The following DNAJC6 variants were observed in gnomAD, a reference collection of about 807,000 sequenced individuals.
The protein encoded by DNAJC6 is DnaJ heat shock protein family (Hsp40) member C6.
Under a neutral mutation model 110.0 loss-of-function variants are expected in DNAJC6, and 34 were observed. The ratio of observed to expected loss-of-function variants is 0.31; its 90% CI spans 0.24 to 0.41. The LOEUF is 0.41. Ranked by LOEUF, DNAJC6 falls within the 10% of genes least tolerant of loss-of-function variation. The probability of loss-of-function intolerance (pLI) is 1.00; values close to 1 mark genes in which losing one functional copy is unlikely to be tolerated. For synonymous variants in DNAJC6, 406 were observed against 437.2 expected, an observed-to-expected ratio of 0.93 and a Z score of 0.89; for missense variants, 1,031 against 1,207.8, an observed-to-expected ratio of 0.85 and a Z score of 2.17.
chr1:65,319,477 T>A (rs895451760), intron 1 of DNAJC6, among the ~76,000 whole-genome samples: 1 of 152,164 alleles, frequency 6.6e-6, no homozygotes, highest in Non-Finnish European at 1.5e-5. Context: ...CAGTACGGTG[T>A]CTGTATCGGG....
chr1:65,273,464 TG>T (rs1343960569), intron 1 of DNAJC6, among the ~76,000 whole-genome samples: 1 of 151,926 alleles, frequency 6.6e-6, no homozygotes, highest in African/African-American at 2.4e-5. Flanking sequence ...TTGAGCACGG[TG>T]GTATGTGCCT....
intron 4 of DNAJC6, among the ~76,000 whole-genome samples, chr1:65,368,528 T>TTCCTTCCCTTC (rs1245854493): frequency 5.0e-4 from 76 of 151,338 alleles, no homozygotes; most frequent in Admixed American, 3.2e-3. Flanking sequence ...TCCTTCCGTT[T>TTCCTTCCCTTC]TCCTTCCCTT....
upstream of DNAJC6, among the ~76,000 whole-genome samples, chr1:65,308,223 T>C (rs1464107184): frequency 3.3e-5 from 5 of 152,338 alleles, no homozygotes; most frequent in South Asian, 6.2e-4. Flanking sequence ...GAGAAAACCA[T>C]GTAAGATGAG....
At position 65,299,539 on chromosome 1, in the gene DNAJC6, A is replaced by G. The variant is rs542350511; in HGVS notation, c.-131+34607A>G. 2.0e-5 allele frequency among the ~76,000 whole-genome samples: 3 copies of G among 152,364 alleles called. No homozygotes were observed. The East Asian group carries it at 5.8e-4, about 29-fold the overall frequency. On this transcript the variant is annotated intron_variant, in intron 1 of 19. Transcript: ENST00000263441. The stretch of plus-strand genomic sequence containing the variant: ...GACACAATAGACTGAGCTATGTTGA[A>G]GGACAATGACAAATAACACAATAGA...
chr1:65,370,332 C>T (rs983912970), intron 4 of DNAJC6, among the ~76,000 whole-genome samples: 3 of 152,176 alleles, frequency 2.0e-5, no homozygotes, highest in Non-Finnish European at 4.4e-5. Context: ...CCCAATGTTG[C>T]ATAACCAACA....
rs564665087 is a variant in DNAJC6, at chr1:65,345,281, G to A, written c.194-19354G>A. Among the ~76,000 whole-genome samples the A allele has an allele frequency of 8.0e-5, 12 of 150,150 alleles. No individual in the cohort carries two copies. The South Asian group carries it at 2.5e-3, about 32-fold the overall frequency. On this transcript the variant is annotated intron_variant, in intron 1 of 18. Transcript: ENST00000371069. Reference sequence around the variant, plus strand: ...GTGTGTGTGTGTATTTTGCCCATTAGGATCTCCTCCACTTTCCCATATAGA... The same window carrying A: ...GTGTGTGTGTGTATTTTGCCCATTAAGATCTCCTCCACTTTCCCATATAGA...
Position 65,407,683 on chromosome 1 carries a change from G to A in DNAJC6, c.2492-958G>A, listed in dbSNP as rs145076065. Among the ~76,000 whole-genome samples the A allele has an allele frequency of 5.8e-4, 88 of 152,298 alleles. 1 individual carries two copies. The highest frequency in any genetic ancestry group is 2.1e-3 in the African/African-American group (86 of 41,550). ...ATTTTTGAGTAGATAGATGTGGGGCGAGTGACTTCAATCAGCAAATACTTA... is the reference window on the plus strand; with the variant it reads ...ATTTTTGAGTAGATAGATGTGGGGCAAGTGACTTCAATCAGCAAATACTTA... On this transcript the variant is annotated intron_variant, in intron 16 of 18. Transcript: ENST00000371069.
chr1:65,311,441 T>G (rs1645100969), intron 1 of DNAJC6, among the ~76,000 whole-genome samples: 1 of 152,104 alleles, frequency 6.6e-6, no homozygotes, highest in Non-Finnish European at 1.5e-5. Context: ...GCCGGGCTGG[T>G]CTTGAACTCC....
intron 1 of DNAJC6, among the ~76,000 whole-genome samples, chr1:65,270,445 A>G (rs911487187): frequency 6.6e-6 from 1 of 152,194 alleles, no homozygotes; most frequent in African/African-American, 2.4e-5. Flanking sequence ...ATGTTTTAAA[A>G]TAATTTGAAC....
At position 65,264,801 on chromosome 1, in the gene DNAJC6, T is replaced by G. The variant is rs1478815783; in HGVS notation, c.-262T>G. On this transcript the variant is annotated 5_prime_UTR_variant, in exon 1 of 20. Coordinates refer to the DNAJC6 transcript ENST00000263441. The stretch of plus-strand genomic sequence containing the variant: ...TATCATAGCCCGAGTGCTCCTCCGT[T>G]GAGAGACTTCGCCCCCGAGACCGCT... 9 of 1,547,082 alleles carry G rather than the reference T, an allele frequency of 5.8e-6. No homozygotes were observed. The East Asian group carries it at 1.9e-4, about 32-fold the overall frequency.
chr1:65,336,859 A>G (rs1487355907), intron 1 of DNAJC6, among the ~76,000 whole-genome samples: 1 of 152,072 alleles, frequency 6.6e-6, no homozygotes, highest in East Asian at 1.9e-4. Flanking sequence ...GCCTGTTCAG[A>G]TTTTCCTGAT....
At chr1:65,287,019 A>C (rs2101210362) in intron 1 of DNAJC6, among the ~76,000 whole-genome samples, 1 of 152,344 alleles carries the variant, frequency 6.6e-6, no homozygotes, top group Admixed American at 6.5e-5. Context: ...TTGTAAAGTT[A>C]ATGCTTACCT....
chr1:65,356,141 T>C (rs1022633376), intron 1 of DNAJC6, among the ~76,000 whole-genome samples: 1 of 152,094 alleles, frequency 6.6e-6, no homozygotes, highest in Admixed American at 6.5e-5. Flanking sequence ...TTGTTTGGCA[T>C]AGGGGTTATT....
In DNAJC6 at chr1:65,414,594, TTTTG is replaced by T. The variant is rs537724370; in HGVS notation, c.*1584_*1587del. 4.6e-4 allele frequency: 70 copies of T among 152,738 alleles called. No individual in the cohort carries two copies. The highest frequency in any genetic ancestry group is 1.4e-3 in the African/African-American group (57 of 41,580). The allele number at this position is 152,738 out of a possible 1,614,324, so 9.5% of individuals were successfully genotyped here. Reference sequence around the variant, plus strand: ...TACATAGATCTCTTTCTCTCTTTTGTTTTGTTTGTTTGTTTGTTAAAGTTCATTA... The same window carrying T: ...TACATAGATCTCTTTCTCTCTTTTGTTTTGTTTGTTTGTTAAAGTTCATTA... On this transcript the variant is annotated 3_prime_UTR_variant, in exon 19 of 19. Coordinates refer to ENST00000371069, the MANE Select transcript of DNAJC6 (RefSeq NM_001256864.2).
chr1:65,284,656 G>A (rs942670219), intron 1 of DNAJC6, among the ~76,000 whole-genome samples: 5 of 151,744 alleles, frequency 3.3e-5, no homozygotes, highest in African/African-American at 1.2e-4. Flanking sequence ...CCAAATTTTG[G>A]AGAACCAAAT....
chr1:65,354,626 A>G (rs1316253682), intron 1 of DNAJC6, among the ~76,000 whole-genome samples: 2 of 152,156 alleles, frequency 1.3e-5, no homozygotes, highest in African/African-American at 4.8e-5. Context: ...ATAGTCTAGT[A>G]TTCTTCCCAT....
At chr1:65,309,159 C>T (rs1645071680), upstream of DNAJC6, among the ~76,000 whole-genome samples, 1 of 152,132 alleles carries the variant, frequency 6.6e-6, no homozygotes, top group Admixed American at 6.5e-5. Context: ...CCCTGGTCCT[C>T]AAAGCTTCGC....
intron 1 of DNAJC6, among the ~76,000 whole-genome samples, chr1:65,354,828 T>C (rs1645526794): frequency 6.6e-6 from 1 of 152,192 alleles, no homozygotes. Flanking sequence ...ATTATCACTG[T>C]TTATAGCACA....
chr1:65,395,169 A>C, intron 13 of DNAJC6, 137 bp downstream of exon 13: 1 of 933,026 alleles, frequency 1.1e-6, no homozygotes, highest in South Asian at 2.4e-5. Flanking sequence ...TGAAATTAAC[A>C]ACTCACCTTA....
Sources: allele counts gnomAD v4.1 joint callset (sites outside exome capture counted in the v4.1 genomes callset), GRCh38; gene constraint gnomAD v4.1.1; transcripts MANE v1.5; gene names NCBI Gene and HGNC (gene_info 2026-07-23, HGNC 2026-07-21).